RPL39L: variants seen among roughly 807,000 people sequenced by gnomAD.
RPL39L encodes ribosomal protein eL39-like 2.
For missense variants in RPL39L, 48 were observed against 58.9 expected (o/e 0.81, Z 0.61); for synonymous variants, 16 against 20.1 (o/e 0.80, Z 0.55).
chr3:187,134,500 A>AG (rs1311735052), intron 1 of RPL39L, among the ~76,000 whole-genome samples: 9 of 151,870 alleles, frequency 5.9e-5, no homozygotes, highest in South Asian at 2.1e-4. Context: ...AAAAAAAAAA[A>AG]AAGAAGACAC....
rs115667012 is a variant in RPL39L, at chr3:187,123,249, T to C, written c.-28-1921A>G. ...ATGAGTAGGCAACTAAGTTGGGGTA[T>C]AGTGTGGGGTGTGGTTGAGATACAA... On this transcript the variant is annotated intron_variant, in intron 2 of 2. Coordinates refer to ENST00000296277, the MANE Select transcript of RPL39L (RefSeq NM_052969.3). Among the ~76,000 whole-genome samples the C allele has an allele frequency of 3.2e-3, 492 of 152,240 alleles. 1 individual carries two copies. Among genetic ancestry groups the C allele is most frequent in the Non-Finnish European group, 4.8e-3 (325 of 68,012 alleles).
chr3:187,125,210 T>C (rs908024090), intron 2 of RPL39L, among the ~76,000 whole-genome samples: 1 of 152,144 alleles, frequency 6.6e-6, no homozygotes, highest in Non-Finnish European at 1.5e-5. Context: ...TTTCATAAAG[T>C]AGGATTTTAT....
intron 1 of RPL39L, among the ~76,000 whole-genome samples, chr3:187,136,737 A>G (rs945715303): frequency 2.0e-5 from 3 of 152,218 alleles, no homozygotes; most frequent in African/African-American, 7.2e-5. Context: ...GTTTTCCCAA[A>G]GAAATATAAT....
chr3:187,122,847 A>C (rs1720336186), intron 2 of RPL39L, among the ~76,000 whole-genome samples: 1 of 152,248 alleles, frequency 6.6e-6, no homozygotes, highest in Admixed American at 6.5e-5. Context: ...GATAACTAGC[A>C]GTCTTTGCTA....
chr3:187,125,967 G>A (rs866980337), intron 2 of RPL39L, among the ~76,000 whole-genome samples: 4 of 152,056 alleles, frequency 2.6e-5, no homozygotes, highest in South Asian at 2.1e-4. Flanking sequence ...AGAGCACTCC[G>A]GAGTGGTTAA....
intron 2 of RPL39L, among the ~76,000 whole-genome samples, chr3:187,122,915 A>G (rs1253811700): frequency 5.9e-5 from 9 of 152,228 alleles, no homozygotes; most frequent in Admixed American, 3.9e-4. Flanking sequence ...TCTCAAAATA[A>G]CCAAAAGAAA....
intron 2 of RPL39L, among the ~76,000 whole-genome samples, 185 bp downstream of exon 2, chr3:187,127,812 TAA>T (rs1254533598): frequency 6.6e-6 from 1 of 152,260 alleles, no homozygotes; most frequent in Non-Finnish European, 1.5e-5. Flanking sequence ...AAGTTTAGTC[TAA>T]GTTTCTGAAA....
intron 2 of RPL39L, among the ~76,000 whole-genome samples, chr3:187,124,728 G>A (rs979397348): frequency 6.6e-6 from 1 of 152,128 alleles, no homozygotes. Context: ...TCTACTTACT[G>A]GATATAGAGG....
chr3:187,137,646 A>G (rs1720607231), intron 1 of RPL39L, among the ~76,000 whole-genome samples: 2 of 152,148 alleles, frequency 1.3e-5, no homozygotes. Context: ...AACATGGTGA[A>G]ACCCCGTCTT....
At chr3:187,138,222 T>C (rs903440444) in intron 1 of RPL39L, among the ~76,000 whole-genome samples, 2 of 151,718 alleles carry the variant, frequency 1.3e-5, no homozygotes, top group African/African-American at 4.8e-5. Context: ...AAAATGAAAA[T>C]GTTGTGGAGG....
chr3:187,138,172 A>G (rs546827110), intron 1 of RPL39L, among the ~76,000 whole-genome samples: 71 of 152,350 alleles, frequency 4.7e-4, no homozygotes, highest in African/African-American at 1.6e-3. Flanking sequence ...GTTACATGAC[A>G]GCCTTTGAGA....
intron 1 of RPL39L, among the ~76,000 whole-genome samples, chr3:187,131,517 CAG>C (rs1265355117): frequency 2.0e-5 from 3 of 152,144 alleles, no homozygotes; most frequent in Non-Finnish European, 4.4e-5. Flanking sequence ...GCCTGGGAGA[CAG>C]AGAGAGACTC....
intron 1 of RPL39L, among the ~76,000 whole-genome samples, chr3:187,134,289 T>G (rs1221398184): frequency 1.3e-5 from 2 of 152,024 alleles, no homozygotes; most frequent in African/African-American, 2.4e-5. Context: ...TAGGGGCAAT[T>G]CTGCCTTTCT....
chr3:187,125,930 T>C (rs1720388547), intron 2 of RPL39L, among the ~76,000 whole-genome samples: 1 of 152,292 alleles, frequency 6.6e-6, no homozygotes, highest in South Asian at 2.1e-4. Context: ...GTGGGAAGCA[T>C]TTCTTGGAAC....
chr3:187,138,538 A>G (rs1720626467), intron 1 of RPL39L, among the ~76,000 whole-genome samples: 2 of 152,204 alleles, frequency 1.3e-5, no homozygotes. Context: ...CGCCTTGGAA[A>G]GAGGCAGTGA....
chr3:187,128,955 C>T (rs948040326), intron 1 of RPL39L, among the ~76,000 whole-genome samples: 5 of 152,216 alleles, frequency 3.3e-5, no homozygotes, highest in African/African-American at 9.7e-5. Flanking sequence ...TATTGTACCT[C>T]TTGCTTGCAG....
intron 1 of RPL39L, among the ~76,000 whole-genome samples, chr3:187,130,949 T>G (rs1174480679): frequency 1.3e-5 from 2 of 152,242 alleles, no homozygotes; most frequent in Non-Finnish European, 2.9e-5. Flanking sequence ...TCTCTGTATT[T>G]CATGCTGTTT....
intron 2 of RPL39L, 89 bp from the exon 3 acceptor site, chr3:187,121,417 G>C (rs1457876986): frequency 1.5e-6 from 2 of 1,330,990 alleles, no homozygotes; most frequent in Non-Finnish European, 2.1e-6. Context: ...ACAAGAAAGA[G>C]GATCTTTAGT....
rs556351963 is a variant in RPL39L, at chr3:187,132,638, T to C, written c.-92-4576A>G. 2.8e-4 allele frequency among the ~76,000 whole-genome samples: 42 copies of C among 152,376 alleles called. 1 individual carries two copies. The highest frequency in any genetic ancestry group is 5.9e-4 in the Non-Finnish European group (40 of 68,040). ...TTCTCACTATCTCAAGAGCCACTTTTGTCCATATTCAACATGCATAAATAT... is the reference window on the plus strand; with the variant it reads ...TTCTCACTATCTCAAGAGCCACTTTCGTCCATATTCAACATGCATAAATAT... On this transcript the variant is annotated intron_variant, in intron 1 of 2. Coordinates refer to ENST00000296277, the MANE Select transcript of RPL39L (RefSeq NM_052969.3).
Sources: allele counts gnomAD v4.1 joint callset (sites outside exome capture counted in the v4.1 genomes callset), GRCh38; gene constraint gnomAD v4.1.1; transcripts MANE v1.5; gene names NCBI Gene and HGNC (gene_info 2026-07-23, HGNC 2026-07-21).